PARD3B: variants seen among roughly 807,000 people sequenced by gnomAD.
PARD3B encodes partitioning defective 3 homolog B.
In PARD3B, 103 loss-of-function variants were observed where a neutral mutation model predicts 130.2. The observed-to-expected ratio is 0.79, with a 90% CI of 0.67 to 0.93. The LOEUF is 0.93. Among genes scored for constraint, PARD3B ranks in the 40% least tolerant of loss-of-function variants. The pLI, the probability that PARD3B is intolerant of heterozygous loss-of-function variation, is 0.00. For missense variants in PARD3B, 1,609 were observed against 1,499.2 expected (o/e 1.07, Z -1.21); for synonymous variants, 583 against 553.2 (o/e 1.05, Z -0.76).
intron 2 of PARD3B, among the ~76,000 whole-genome samples, chr2:204,842,893 A>G (rs2044309356): frequency 1.3e-5 from 2 of 152,094 alleles, no homozygotes; most frequent in African/African-American, 2.4e-5. Context: ...TCATTAGGAA[A>G]TGTACCAGAA....
intron 16 of PARD3B, among the ~76,000 whole-genome samples, chr2:205,261,284 G>T (rs1323557689): frequency 1.3e-5 from 2 of 151,874 alleles, no homozygotes; most frequent in African/African-American, 4.8e-5. Flanking sequence ...CTTTGTAAAA[G>T]ACTGAATTCA....
intron 1 of PARD3B, among the ~76,000 whole-genome samples, chr2:204,652,926 AACTC>A (rs770711779): frequency 2.0e-5 from 3 of 151,064 alleles, no homozygotes; most frequent in Middle Eastern, 3.2e-3. Context: ...ATCTCCTGAG[AACTC>A]ACTCACTATC....
chr2:205,565,473 T>A (rs1047080030), intron 22 of PARD3B, among the ~76,000 whole-genome samples: 1 of 152,152 alleles, frequency 6.6e-6, no homozygotes, highest in Non-Finnish European at 1.5e-5. Flanking sequence ...TTCTAGCCAG[T>A]GTTTTATAGG....
In PARD3B at chr2:204,700,766, C is replaced by G. The variant is rs77737164; in HGVS notation, c.222+14484C>G. 0.012 allele frequency among the ~76,000 whole-genome samples: 1,840 copies of G among 152,082 alleles called. 72 individuals are homozygous for G. In the East Asian group the frequency reaches 0.14, roughly 12 times the overall value. ...TGATTTTCTTATTGTATTTGAGTGA[C>G]AGTGTTTAAGAATTTCTTAAGGTTA... On this transcript the variant is annotated intron_variant, in intron 2 of 22. Coordinates refer to ENST00000406610, the MANE Select transcript of PARD3B (RefSeq NM_001302769.2).
chr2:204,877,568 G>C (rs893119541), intron 2 of PARD3B, among the ~76,000 whole-genome samples: 7 of 152,058 alleles, frequency 4.6e-5, no homozygotes, highest in African/African-American at 1.7e-4. Flanking sequence ...AGAGAAGACT[G>C]TATATATTAA....
intron 1 of PARD3B, among the ~76,000 whole-genome samples, chr2:204,679,353 A>G (rs1440320429): frequency 6.6e-6 from 1 of 152,160 alleles, no homozygotes; most frequent in Admixed American, 6.5e-5. Context: ...TTGCTGAGTT[A>G]TGTGTGATGT....
intron 2 of PARD3B, among the ~76,000 whole-genome samples, chr2:204,777,509 C>T (rs2041670150): frequency 6.6e-6 from 1 of 152,162 alleles, no homozygotes; most frequent in South Asian, 2.1e-4. Context: ...TGGCCCATGC[C>T]TGTAATCCCA....
intron 16 of PARD3B, among the ~76,000 whole-genome samples, chr2:205,267,766 A>C (rs1429776047): frequency 1.3e-5 from 2 of 152,178 alleles, no homozygotes; most frequent in Admixed American, 1.3e-4. Flanking sequence ...TAGAATAAAT[A>C]CATTCAACAA....
At chr2:204,883,441 AT>A (rs1446933632) in intron 2 of PARD3B, among the ~76,000 whole-genome samples, 2 of 102,094 alleles carry the variant, frequency 2.0e-5, no homozygotes, top group Admixed American at 1.0e-4. Flanking sequence ...TAAAATATAT[AT>A]ATATATATAT....
intron 1 of PARD3B, among the ~76,000 whole-genome samples, chr2:204,679,327 A>G (rs2036710144): frequency 6.6e-6 from 1 of 152,214 alleles, no homozygotes; most frequent in South Asian, 2.1e-4. Flanking sequence ...TGTTAGATGT[A>G]TACCCAGAAG....
intron 1 of PARD3B, among the ~76,000 whole-genome samples, chr2:204,549,171 G>A (rs2030246050): frequency 6.6e-6 from 1 of 152,108 alleles, no homozygotes; most frequent in South Asian, 2.1e-4. Context: ...GAGCTTTTGG[G>A]AAGGCTTTAA....
chr2:204,679,800 T>A (rs976030560), intron 1 of PARD3B, among the ~76,000 whole-genome samples: 1 of 152,084 alleles, frequency 6.6e-6, no homozygotes, highest in African/African-American at 2.4e-5. Context: ...ATTGTGGTGA[T>A]CATTTGATCT....
intron 20 of PARD3B, among the ~76,000 whole-genome samples, chr2:205,497,427 AT>A (rs3077795): frequency 0.082 from 10,106 of 123,644 alleles, 433 homozygotes; most frequent in African/African-American, 0.18. Context: ...TTTACTCACC[AT>A]TTTTTTTTTT....
intron 2 of PARD3B, among the ~76,000 whole-genome samples, chr2:204,959,871 A>G (rs561841432): frequency 2.0e-5 from 3 of 152,316 alleles, no homozygotes; most frequent in Non-Finnish European, 2.9e-5. Context: ...AAAATAATTC[A>G]CACATACCAC....
At chr2:204,796,232 T>G (rs2042371457) in intron 2 of PARD3B, among the ~76,000 whole-genome samples, 1 of 152,184 alleles carries the variant, frequency 6.6e-6, no homozygotes, top group Non-Finnish European at 1.5e-5. Context: ...TGCAATATGA[T>G]CAAATGGTTA....
rs1287730425 is a variant in PARD3B, at chr2:204,917,512, A to C, written c.223-47640A>C. On this transcript the variant is annotated intron_variant, in intron 2 of 22. Coordinates refer to ENST00000406610, the MANE Select transcript of PARD3B (RefSeq NM_001302769.2). The stretch of plus-strand genomic sequence containing the variant: ...TATGAGTTGATTTGCTGAGCTGGGG[A>C]ATTCTATGGGAGTTGCAGGTTTGGT... Among the ~76,000 whole-genome samples, 4 of 152,090 alleles carry C rather than the reference A, an allele frequency of 2.6e-5. No homozygotes were observed. In the East Asian group the frequency reaches 7.7e-4, roughly 29 times the overall value.
rs1447124271 is a variant in PARD3B, at chr2:205,244,039, AT to A, written c.2141-1738del. On this transcript the variant is annotated intron_variant, in intron 15 of 22. Transcript: ENST00000406610. This position sits in a 1 kb window ranked among gnomAD's most constrained non-coding sequence, Gnocchi z 4.7. Reference sequence around the variant, plus strand: ...TTGGCTCACAACTGGTGCCTTATAAATACTTACCTCCCAACTAGAAATAAAA... The same window carrying A: ...TTGGCTCACAACTGGTGCCTTATAAAACTTACCTCCCAACTAGAAATAAAA... Among the ~76,000 whole-genome samples the A allele has an allele frequency of 6.6e-6, 1 of 152,220 alleles. No individual in the cohort carries two copies. Among genetic ancestry groups the A allele is most frequent in the East Asian group, 1.9e-4 (1 of 5,192 alleles).
chr2:204,562,310 G>T lies in PARD3B; in HGVS notation c.120+16191G>T, dbSNP rs140218923. Among the ~76,000 whole-genome samples the T allele has an allele frequency of 4.3e-3, 658 of 152,278 alleles. 2 individuals carry two copies. Among genetic ancestry groups the T allele is most frequent in the African/African-American group, 0.015 (628 of 41,556 alleles). ...ATCAAGTGACTCAGAAATCCTCACA[G>T]CGCTAAGATCTGATTGCTTATAGAT... On this transcript the variant is annotated intron_variant, in intron 1 of 22. Transcript: ENST00000406610.
intron 2 of PARD3B, among the ~76,000 whole-genome samples, chr2:204,922,348 G>A (rs1225879225): frequency 6.6e-6 from 1 of 152,076 alleles, no homozygotes; most frequent in Non-Finnish European, 1.5e-5. Flanking sequence ...ATAAGCAATT[G>A]TACAGAAAAG....
Sources: allele counts gnomAD v4.1 joint callset (sites outside exome capture counted in the v4.1 genomes callset), GRCh38; gene constraint gnomAD v4.1.1; non-coding constraint Gnocchi (gnomAD v3.1); transcripts MANE v1.5; gene names NCBI Gene and HGNC (gene_info 2026-07-23, HGNC 2026-07-21).